RASSF8: variants seen among roughly 807,000 people sequenced by gnomAD.
The protein encoded by RASSF8 is ras association domain-containing protein 8.
A neutral mutation model predicts 48.5 loss-of-function variants in RASSF8; 22 were observed. The ratio of observed to expected loss-of-function variants is 0.45; its 90% CI spans 0.32 to 0.65. The LOEUF (loss-of-function observed/expected upper bound fraction) is 0.65, where lower values mean the gene tolerates loss of function less well. Ranked by LOEUF, RASSF8 falls within the 30% of genes least tolerant of loss-of-function variation. The probability of loss-of-function intolerance (pLI) is 0.03; values close to 1 mark genes in which losing one functional copy is unlikely to be tolerated. For missense variants in RASSF8, 418 were observed against 489.2 expected (o/e 0.85, Z 1.37); for synonymous variants, 127 against 171.5 (o/e 0.74, Z 2.03).
intron 2 of RASSF8, among the ~76,000 whole-genome samples, chr12:25,999,003 T>G (rs186694615): frequency 7.9e-4 from 121 of 152,306 alleles, no homozygotes; most frequent in African/African-American, 2.7e-3. Flanking sequence ...TTATTGAGGA[T>G]CTGTTATTTG....
At chr12:26,022,796 C>T (rs1248953097) in intron 2 of RASSF8, among the ~76,000 whole-genome samples, 1 of 151,922 alleles carries the variant, frequency 6.6e-6, no homozygotes, top group African/African-American at 2.4e-5. Context: ...GGTTGGAGTG[C>T]AATGGCGCGA....
intron 2 of RASSF8, among the ~76,000 whole-genome samples, chr12:26,027,760 T>G (rs946093956): frequency 3.3e-5 from 5 of 152,228 alleles, no homozygotes; most frequent in African/African-American, 1.2e-4. Context: ...TTTCAGTTGT[T>G]GAAGCCATGA....
At chr12:25,997,909 A>C (rs1942169263) in intron 2 of RASSF8, among the ~76,000 whole-genome samples, 1 of 152,204 alleles carries the variant, frequency 6.6e-6, no homozygotes, top group Non-Finnish European at 1.5e-5. Context: ...TAGTAGAATA[A>C]AAATGAAAAA....
chr12:26,035,463 T>TG (rs375085888), intron 2 of RASSF8, among the ~76,000 whole-genome samples: 7 of 98,864 alleles, frequency 7.1e-5, no homozygotes, highest in African/African-American at 1.2e-4. Context: ...TGAAATTATA[T>TG]AATTATATTA....
chr12:26,030,516 A>C (rs1470157605), intron 2 of RASSF8, among the ~76,000 whole-genome samples: 1 of 152,208 alleles, frequency 6.6e-6, no homozygotes, highest in East Asian at 1.9e-4. Context: ...TCTATCACAC[A>C]TGGAAATGTT....
chr12:26,042,192 G>A (rs1482850436), intron 2 of RASSF8, among the ~76,000 whole-genome samples: 1 of 152,182 alleles, frequency 6.6e-6, no homozygotes, highest in African/African-American at 2.4e-5. Flanking sequence ...TGAAGGAAGG[G>A]TTAGAAAAAG....
intron 2 of RASSF8, among the ~76,000 whole-genome samples, chr12:25,998,453 G>A (rs948266172): frequency 3.3e-5 from 5 of 151,366 alleles, no homozygotes; most frequent in African/African-American, 9.7e-5. Context: ...GGGTTCAAGC[G>A]ATTTTCCTGC....
rs933718708 is a variant in RASSF8 at position 26,069,483 on chromosome 12, C to T, written c.*665C>T. 1.0e-6 allele frequency: 1 copy of T among 985,358 alleles called. No individual in the cohort carries two copies. The allele number at this position is 985,358 out of a possible 1,614,324, so 61.0% of individuals were successfully genotyped here. A position where few individuals can be genotyped will look rare whatever the true frequency, so the allele number is the denominator to read the frequency against. On this transcript the variant is annotated 3_prime_UTR_variant, in exon 6 of 6. Coordinates refer to ENST00000689635, the MANE Select transcript of RASSF8 (RefSeq NM_001394098.1). ...ACAATATTTCCAAATATACGTGTGGCCACAGAGCATAACAGATATTTTTCA... is the reference window on the plus strand; with the variant it reads ...ACAATATTTCCAAATATACGTGTGGTCACAGAGCATAACAGATATTTTTCA...
At chr12:26,056,998 T>TG (rs759334729) in intron 3 of RASSF8, among the ~76,000 whole-genome samples, 1 of 151,950 alleles carries the variant, frequency 6.6e-6, no homozygotes, top group Non-Finnish European at 1.5e-5. Flanking sequence ...TATTTGGGAA[T>TG]TAAGCCATGG....
chr12:25,971,010 T>C (rs913063843), intron 1 of RASSF8, among the ~76,000 whole-genome samples: 1 of 152,212 alleles, frequency 6.6e-6, no homozygotes, highest in Non-Finnish European at 1.5e-5. Context: ...TACATAGTTC[T>C]TATTCCTTTG....
chr12:26,010,646 C>T (rs918238728), intron 2 of RASSF8, among the ~76,000 whole-genome samples: 4 of 152,180 alleles, frequency 2.6e-5, no homozygotes, highest in African/African-American at 9.7e-5. Context: ...CTGATATTTC[C>T]TTTCCCCCTT....
intron 2 of RASSF8, among the ~76,000 whole-genome samples, chr12:26,033,842 C>T (rs1172247427): frequency 6.6e-6 from 1 of 152,116 alleles, no homozygotes; most frequent in African/African-American, 2.4e-5. Context: ...CCATCTCCTA[C>T]CAGTTGTATT....
chr12:25,978,166 C>T (rs751258783), intron 1 of RASSF8, among the ~76,000 whole-genome samples: 3 of 152,138 alleles, frequency 2.0e-5, no homozygotes, highest in Non-Finnish European at 4.4e-5. Context: ...TTTAAAAAAC[C>T]ATACAGTACA....
chr12:25,988,079 T>C (rs1256641206), intron 1 of RASSF8, among the ~76,000 whole-genome samples: 4 of 151,194 alleles, frequency 2.6e-5, no homozygotes, highest in Admixed American at 2.6e-4. Context: ...GCCAGGCTGG[T>C]CTCAAACTCC....
At chr12:25,980,077 C>G (rs11048365) in intron 1 of RASSF8, among the ~76,000 whole-genome samples, 72,703 of 152,052 alleles carry the variant, frequency 0.48, 18,022 homozygotes, top group Non-Finnish European at 0.55. Context: ...TCCTTAAGGA[C>G]TACTTCCTTC....
chr12:25,960,095 T>C (rs1941194910), intron 1 of RASSF8, among the ~76,000 whole-genome samples: 1 of 152,170 alleles, frequency 6.6e-6, no homozygotes, highest in African/African-American at 2.4e-5. Flanking sequence ...CGAACATTTA[T>C]GGATTTTCCA....
intron 2 of RASSF8, among the ~76,000 whole-genome samples, chr12:26,003,625 G>C (rs1287279787): frequency 2.0e-5 from 3 of 151,992 alleles, no homozygotes; most frequent in Non-Finnish European, 4.4e-5. Flanking sequence ...TAACTGTATA[G>C]GGGGAATAAA....
chr12:26,016,617 C>T (rs1020456900), intron 2 of RASSF8, among the ~76,000 whole-genome samples: 1 of 123,260 alleles, frequency 8.1e-6, no homozygotes, highest in African/African-American at 3.0e-5. Context: ...TTAGGTAATT[C>T]TAACTATAAA....
At chr12:25,987,725 G>A (rs1941919956) in intron 1 of RASSF8, among the ~76,000 whole-genome samples, 1 of 152,018 alleles carries the variant, frequency 6.6e-6, no homozygotes, top group Non-Finnish European at 1.5e-5. Context: ...CTATCCAACA[G>A]TAGAATATTA....
Sources: gnomAD v4.1 joint callset for allele counts (sites outside exome capture counted in the v4.1 genomes callset) on GRCh38, gnomAD v4.1.1 for gene constraint, MANE v1.5 for transcripts, NCBI Gene and HGNC (gene_info 2026-07-23, HGNC 2026-07-21) for gene names.